PCSK5: variants seen among roughly 807,000 people sequenced by gnomAD.
PCSK5 encodes the protein proprotein convertase subtilisin/kexin type 5.
A neutral mutation model predicts 233.2 loss-of-function variants in PCSK5; 129 were observed. The ratio of observed to expected loss-of-function variants is 0.55; its 90% CI spans 0.48 to 0.64. PCSK5 has a LOEUF of 0.64. Ranked by LOEUF, PCSK5 falls within the 30% of genes least tolerant of loss-of-function variation. The probability of loss-of-function intolerance (pLI) is 0.00; values close to 1 mark genes in which losing one functional copy is unlikely to be tolerated. For missense variants in PCSK5, 2,076 were observed against 2,430.1 expected (o/e 0.85, Z 3.06); for synonymous variants, 825 against 879.2 (o/e 0.94, Z 1.09).
At chr9:76,123,981 A>T (rs978142021) in intron 9 of PCSK5, among the ~76,000 whole-genome samples, 1 of 152,122 alleles carries the variant, frequency 6.6e-6, no homozygotes, top group Admixed American at 6.5e-5. Context: ...ATGAAAACGT[A>T]TATATTTTAG....
intron 1 of PCSK5, among the ~76,000 whole-genome samples, chr9:75,913,893 T>A (rs1009972685): frequency 6.6e-6 from 1 of 152,156 alleles, no homozygotes; most frequent in African/African-American, 2.4e-5. Context: ...TATATAGAAG[T>A]AGCCTGGGAT....
rs1432336866 is a variant in PCSK5 at position 75,972,116 on chromosome 9, C to T, written c.298-14016C>T. On this transcript the variant is annotated intron_variant, in intron 2 of 37. Coordinates refer to ENST00000674117, the MANE Select transcript of PCSK5 (RefSeq NM_001372043.1). ...GCATATGGCTAGCCAGTTCTCCCAG[C>T]ATCATTTATTAAATAGGGAATCCTT... Among the ~76,000 whole-genome samples the T allele has an allele frequency of 2.6e-5, 4 of 152,160 alleles. No homozygotes were observed. The East Asian group carries it at 7.7e-4, about 29-fold the overall frequency.
intron 3 of PCSK5, among the ~76,000 whole-genome samples, chr9:75,990,114 T>G (rs995056452): frequency 1.3e-5 from 2 of 152,196 alleles, no homozygotes; most frequent in Non-Finnish European, 2.9e-5. Context: ...GTGGGCATTC[T>G]TGGGAGTATT....
Position 75,891,113 on chromosome 9 carries a change from A to G in PCSK5, c.-69A>G. Reference sequence around the variant, plus strand: ...CTCGCCGGGCGGCGCAGGCCGGAGAAGTTAGTTGTGCGCGCCCTTAGTGCG... The same window carrying G: ...CTCGCCGGGCGGCGCAGGCCGGAGAGGTTAGTTGTGCGCGCCCTTAGTGCG... On this transcript the variant is annotated 5_prime_UTR_variant, in exon 1 of 38. Transcript: ENST00000674117. 1 of 1,235,728 alleles carries G rather than the reference A, an allele frequency of 8.1e-7. No homozygotes were observed. The highest frequency in any genetic ancestry group is 1.1e-6 in the Non-Finnish European group (1 of 945,118). 76.5% of individuals were successfully genotyped at this position (1,235,728 alleles called of 1,614,324 possible).
chr9:76,237,647 G>A (rs965420616), intron 22 of PCSK5, among the ~76,000 whole-genome samples: 2 of 151,544 alleles, frequency 1.3e-5, no homozygotes, highest in Non-Finnish European at 2.9e-5. Flanking sequence ...ATGGTGGCAC[G>A]CACCTGTGGT....
intron 5 of PCSK5, among the ~76,000 whole-genome samples, chr9:76,064,244 A>G (rs1217547299): frequency 1.2e-5 from 1 of 82,078 alleles, no homozygotes; most frequent in Non-Finnish European, 2.2e-5. Flanking sequence ...TGACCCCCCC[A>G]TCTCCCTCCT....
intron 3 of PCSK5, among the ~76,000 whole-genome samples, chr9:76,015,887 T>G (rs746206104): frequency 3.3e-5 from 5 of 152,296 alleles, no homozygotes; most frequent in Non-Finnish European, 7.4e-5. Flanking sequence ...CTCTTCCCAT[T>G]TTTCTCATCT....
intron 34 of PCSK5, among the ~76,000 whole-genome samples, chr9:76,336,058 T>A (rs993985545): frequency 1.3e-4 from 20 of 152,196 alleles, no homozygotes; most frequent in African/African-American, 4.1e-4. Flanking sequence ...TTGAGTCTTA[T>A]GTGGGCTTTG....
chr9:75,912,156 G>C (rs568111907), intron 1 of PCSK5, among the ~76,000 whole-genome samples: 4 of 151,294 alleles, frequency 2.6e-5, no homozygotes, highest in Admixed American at 6.6e-5. Flanking sequence ...TTTTTTTTTC[G>C]ATTGTAAACA....
In PCSK5 at chr9:76,179,716, T is replaced by C; in HGVS notation, c.2003+18T>C. 6.5e-7 allele frequency: 1 copy of C among 1,532,888 alleles called. No individual in the cohort carries two copies. The highest frequency in any genetic ancestry group is 9.0e-7 in the Non-Finnish European group (1 of 1,106,210). 95.0% of individuals were successfully genotyped at this position (1,532,888 alleles called of 1,614,324 possible). ...AATACCAGGTAAGAGAGGTGCCAAG[T>C]CACATCCCCACAGCATGTGCCAGGC... On this transcript the variant is annotated intron_variant, in intron 15 of 37. Transcript: ENST00000674117.
intron 7 of PCSK5, among the ~76,000 whole-genome samples, chr9:76,073,593 A>G (rs1830547679): frequency 6.6e-6 from 1 of 152,206 alleles, no homozygotes; most frequent in Non-Finnish European, 1.5e-5. Context: ...AAATTCAGTA[A>G]ACCAAACACT....
intron 1 of PCSK5, among the ~76,000 whole-genome samples, chr9:75,924,609 C>A (rs975911364): frequency 6.6e-6 from 1 of 152,122 alleles, no homozygotes; most frequent in Non-Finnish European, 1.5e-5. Context: ...CCCCGCCCCC[C>A]ACTCCCAGAG....
chr9:75,930,912 G>A (rs1271500476), intron 1 of PCSK5, among the ~76,000 whole-genome samples: 2 of 152,104 alleles, frequency 1.3e-5, no homozygotes, highest in African/African-American at 4.8e-5. Flanking sequence ...CTGGAGGCTG[G>A]GGCTGGCATC....
chr9:76,245,071 G>A (rs1432146825), intron 24 of PCSK5, among the ~76,000 whole-genome samples: 2 of 152,060 alleles, frequency 1.3e-5, no homozygotes, highest in Admixed American at 6.5e-5. Context: ...TTGTTTGTTT[G>A]TTTGTTTTAA....
At chr9:76,096,222 A>G in intron 8 of PCSK5, 120 bp downstream of exon 8, 1 of 644,744 alleles carries the variant, frequency 1.6e-6, no homozygotes, top group Admixed American at 2.8e-5. Context: ...CACAGAAGTA[A>G]TATATGGAAA....
chr9:76,174,980 C>G lies in PCSK5; in HGVS notation c.1757-6C>G, dbSNP rs373492940. ...TCATGCTGTGATTTCATTATTATTTCTCAAGGTAAATTGAAAGAATGGTCT... is the reference window on the plus strand; with the variant it reads ...TCATGCTGTGATTTCATTATTATTTGTCAAGGTAAATTGAAAGAATGGTCT... On this transcript the variant is annotated splice_polypyrimidine_tract_variant and splice_region_variant and intron_variant, in intron 13 of 37. Coordinates refer to ENST00000674117, the MANE Select transcript of PCSK5 (RefSeq NM_001372043.1). The G allele has an allele frequency of 4.6e-5, 73 of 1,594,156 alleles. No homozygotes were observed. The highest frequency in any genetic ancestry group is 3.0e-4 in the Admixed American group (17 of 56,870).
intron 24 of PCSK5, among the ~76,000 whole-genome samples, chr9:76,254,028 T>C (rs529575018): frequency 2.6e-5 from 4 of 152,302 alleles, no homozygotes; most frequent in African/African-American, 9.6e-5. Context: ...TGTGTGATCC[T>C]TAATTCAGGA....
At chr9:76,309,458 C>T (rs548957080) in intron 29 of PCSK5, among the ~76,000 whole-genome samples, 1 of 152,278 alleles carries the variant, frequency 6.6e-6, no homozygotes, top group African/African-American at 2.4e-5. Flanking sequence ...CTTTGGGAGG[C>T]TGAAGCAGGA....
chr9:76,016,359 C>A (rs985015821), intron 3 of PCSK5, among the ~76,000 whole-genome samples: 1 of 152,106 alleles, frequency 6.6e-6, no homozygotes, highest in African/African-American at 2.4e-5. Flanking sequence ...GTGTCATGGC[C>A]AGTATGGTGA....
Sources: gnomAD v4.1 joint callset for allele counts (sites outside exome capture counted in the v4.1 genomes callset) on GRCh38, gnomAD v4.1.1 for gene constraint, MANE v1.5 for transcripts, NCBI Gene and HGNC (gene_info 2026-07-23, HGNC 2026-07-21) for gene names.